The following TNRC18 variants were observed in gnomAD, a reference collection of about 807,000 sequenced individuals.
TNRC18 encodes the protein trinucleotide repeat containing 18, also known as trinucleotide repeat-containing gene 18 protein.
Under a neutral mutation model 226.7 loss-of-function variants are expected in TNRC18, and 69 were observed. That is an observed-to-expected ratio of 0.30 (90% CI 0.25 to 0.37). The LOEUF (loss-of-function observed/expected upper bound fraction) is 0.37. TNRC18 is among the 10% of genes least tolerant of loss of function. TNRC18 has a pLI of 1.00. For missense variants in TNRC18, 4,754 were observed against 4,256.6 expected, an observed-to-expected ratio of 1.12 and a Z score of -3.25; for synonymous variants, 2,449 against 1,927.6, an observed-to-expected ratio of 1.27 and a Z score of -7.09.
Position 5,324,462 on chromosome 7 carries a change from A to T in TNRC18, c.6301-107T>A. ...GAGCCACAGTCAGGCCGCAGGGGGA[A>T]TCTGTCATGTGCATGGCAGGGATCC... On this transcript the variant is annotated intron_variant, in intron 20 of 29. Coordinates refer to ENST00000430969, the MANE Select transcript of TNRC18 (RefSeq NM_001080495.3). This position sits in a 1 kb window ranked among gnomAD's most constrained non-coding sequence, Gnocchi z 4.8. The T allele has an allele frequency of 2.1e-6, 3 of 1,457,016 alleles. No individual in the cohort carries two copies. The highest frequency in any genetic ancestry group is 2.5e-5 in the South Asian group (2 of 79,718). 90.3% of individuals were successfully genotyped at this position (1,457,016 alleles called of 1,614,324 possible). A position where few individuals can be genotyped will look rare whatever the true frequency, so the allele number is the denominator to read the frequency against.
intron 18 of TNRC18, 48 bp from the exon 19 acceptor site, chr7:5,333,097 T>C: frequency 6.5e-7 from 1 of 1,528,626 alleles, no homozygotes; most frequent in Non-Finnish European, 8.8e-7. Flanking sequence ...TGGGGACCCC[T>C]TCCCTCCCAC....
At position 5,374,475 on chromosome 7, in the gene TNRC18, A is replaced by G; in HGVS notation, c.2809T>C (p.Leu937=). ...QRSAQLVQER[L]KAQEHRAEME... is the part of the protein sequence containing the mutation. ...TCCGCCCGGTGCTCCTGCGCCTTCA[A>G]CCGCTCCTGCTGGGAAGGGGCCGGC... Residue 937 remains leucine (L), a synonymous_variant, in exon 10 of 30, where the codon TTG becomes CTG. Coordinates refer to ENST00000430969, the MANE Select transcript of TNRC18 (RefSeq NM_001080495.3). The G allele has an allele frequency of 1.3e-6, 2 of 1,546,126 alleles. No individual in the cohort carries two copies. Among genetic ancestry groups the G allele is most frequent in the Middle Eastern group, 1.8e-4 (1 of 5,542 alleles).
chr7:5,313,858 C>G lies in TNRC18; in HGVS notation c.7033G>C (p.Ala2345Pro). 6.8e-7 allele frequency: 1 copy of G among 1,475,832 alleles called. No individual in the cohort carries two copies. The highest frequency in any genetic ancestry group is 9.0e-7 in the Non-Finnish European group (1 of 1,113,166). 91.4% of individuals were successfully genotyped at this position (1,475,832 alleles called of 1,614,324 possible). A position where few individuals can be genotyped will look rare whatever the true frequency, so the allele number is the denominator to read the frequency against. ...GGGTTCCCCTCCTCCAGGGTAGCGGCTCTGTCTGCAAAACAAAACAGATGA... is the reference window on the plus strand; with the variant it reads ...GGGTTCCCCTCCTCCAGGGTAGCGGGTCTGTCTGCAAAACAAAACAGATGA... ...KPSAKAKGDRAATLEEGNPTD... is the reference protein window; with the variant it reads ...KPSAKAKGDRPATLEEGNPTD... Residue 2345 changes from alanine (A) to proline (P), a missense_variant, in exon 27 of 30, where the codon GCC becomes CCC. By Grantham distance (27) the Ala-to-Pro change is conservative. Transcript: ENST00000430969.
chr7:5,403,021 G>A (rs1430338501), intron 2 of TNRC18, among the ~76,000 whole-genome samples: 2 of 151,940 alleles, frequency 1.3e-5, no homozygotes, highest in Non-Finnish European at 2.9e-5. Context: ...TACAGATAAA[G>A]AGACTGAGGC....
At chr7:5,352,810 G>A (rs1035195281) in intron 16 of TNRC18, among the ~76,000 whole-genome samples, 4 of 152,246 alleles carry the variant, frequency 2.6e-5, no homozygotes, top group African/African-American at 4.8e-5. Context: ...TCCGGCCCCC[G>A]CCATGCTCAC....
At chr7:5,359,026 C>A (rs1189646129) in intron 15 of TNRC18, among the ~76,000 whole-genome samples, 1 of 152,202 alleles carries the variant, frequency 6.6e-6, no homozygotes, top group Non-Finnish European at 1.5e-5. Context: ...TTTCTTAGAA[C>A]TACAGAATGG....
intron 27 of TNRC18, among the ~76,000 whole-genome samples, chr7:5,311,935 G>T (rs1474786842): frequency 1.3e-5 from 2 of 152,086 alleles, no homozygotes; most frequent in African/African-American, 4.8e-5. Flanking sequence ...GAGAGTTTGA[G>T]ATCATCCTGA....
chr7:5,376,760 C>T (rs1055787519), intron 8 of TNRC18, 87 bp downstream of exon 8: 92 of 1,511,410 alleles, frequency 6.1e-5, no homozygotes, highest in African/African-American at 2.8e-4. Flanking sequence ...GGCCGCCACC[C>T]CTCAGCAGGA....
In TNRC18 at chr7:5,307,730, C is replaced by T. The variant is rs1254188193; in HGVS notation, c.*376G>A. 7 of 344,348 alleles carry T rather than the reference C, an allele frequency of 2.0e-5. No individual in the cohort carries two copies. The highest frequency in any genetic ancestry group is 4.0e-5 in the Non-Finnish European group (7 of 176,016). 21.3% of individuals were successfully genotyped at this position (344,348 alleles called of 1,614,324 possible). ...GGTTCCTTAGAAGCGCCCCTCCCCA[C>T]CGAATCCCCAGTCTGCATGGACCTG... On this transcript the variant is annotated 3_prime_UTR_variant, in exon 30 of 30. Coordinates refer to ENST00000430969, the MANE Select transcript of TNRC18 (RefSeq NM_001080495.3).
chr7:5,376,737 C>G, intron 8 of TNRC18, 110 bp downstream of exon 8: 1 of 1,367,936 alleles, frequency 7.3e-7, no homozygotes, highest in Non-Finnish European at 1.0e-6. Flanking sequence ...GCCTCCCCAG[C>G]CCCAGATCTG....
chr7:5,388,734 C>A lies in TNRC18; in HGVS notation c.1090G>T (p.Gly364Cys). The part of the protein sequence containing the change: ...AGVYTVFREQ[G>C]REHRVVAPTF... ...GGCGCCACCACGCGGTGCTCACGGCCCTGCTCGCGGAAGACGGTGTAGACG... is the reference window on the plus strand; with the variant it reads ...GGCGCCACCACGCGGTGCTCACGGCACTGCTCGCGGAAGACGGTGTAGACG... The change falls in exon 5 of 30, where the codon GGC (glycine) becomes TGC (cysteine). Residue 364 changes from glycine to cysteine, a missense_variant. Physicochemically the swap from Gly to Cys is radical, Grantham distance 159. Transcript: ENST00000430969. 5 of 1,258,128 alleles carry A rather than the reference C, an allele frequency of 4.0e-6. No individual in the cohort carries two copies. The highest frequency in any genetic ancestry group is 5.0e-6 in the Non-Finnish European group (5 of 999,786). 77.9% of individuals were successfully genotyped at this position (1,258,128 alleles called of 1,614,324 possible). A position where few individuals can be genotyped will look rare whatever the true frequency, so the allele number is the denominator to read the frequency against.
chr7:5,389,363 G>A, intron 4 of TNRC18, 27 bp from the exon 5 acceptor site: 1 of 1,245,618 alleles, frequency 8.0e-7, no homozygotes, highest in East Asian at 3.2e-5. Flanking sequence ...AGCAGGCAGT[G>A]AGCGAGCGCC....
At chr7:5,367,619 G>A (rs1211470999) in intron 11 of TNRC18, among the ~76,000 whole-genome samples, 3 of 151,526 alleles carry the variant, frequency 2.0e-5, no homozygotes, top group African/African-American at 7.3e-5. Flanking sequence ...GTAGAGATGG[G>A]GTTTCACCAT....
chr7:5,389,501 C>A, intron 4 of TNRC18, 165 bp from the exon 5 acceptor site: 1 of 817,324 alleles, frequency 1.2e-6, no homozygotes, highest in Non-Finnish European at 1.5e-6. Context: ...CTCACCCAGG[C>A]TGGAGTACAG....
At chr7:5,419,261 T>C (rs1241590493) in intron 2 of TNRC18, among the ~76,000 whole-genome samples, 1 of 152,252 alleles carries the variant, frequency 6.6e-6, no homozygotes, top group Non-Finnish European at 1.5e-5. Context: ...TAGCTTGTTT[T>C]CACCGCTTCG....
rs535593922 is a variant in TNRC18 at position 5,368,396 on chromosome 7, C to T, written c.4219+1979G>A. Among the ~76,000 whole-genome samples, 18 of 151,976 alleles carry T rather than the reference C, an allele frequency of 1.2e-4. No individual in the cohort carries two copies. In the East Asian group the frequency reaches 1.7e-3, roughly 15 times the overall value. On this transcript the variant is annotated intron_variant, in intron 11 of 29. Transcript: ENST00000430969. ...TAAGTAAAGTGTCCGGGCGCGGTGG[C>T]TCACGCCTGTAATCCCAGCACTTTG...
intron 9 of TNRC18, among the ~76,000 whole-genome samples, chr7:5,375,559 T>C (rs6463445): frequency 0.82 from 124,337 of 152,084 alleles, 51,495 homozygotes; most frequent in East Asian, 0.98. Flanking sequence ...CTGTATGCAC[T>C]ACCTGGGCCG....
chr7:5,394,489 G>A lies in TNRC18; in HGVS notation c.294C>T (p.Thr98=), dbSNP rs1177238949. 2 of 1,562,452 alleles carry A rather than the reference G, an allele frequency of 1.3e-6. No individual in the cohort carries two copies. The highest frequency in any genetic ancestry group is 1.9e-5 in the Admixed American group (1 of 51,282). The part of the protein sequence containing the change: ...LPSDLSFRSP[T]PSNLPMVQLW... ...GCTGCACCATGGGCAGGTTGCTAGGGGTTGGGGAGCGGAAAGACAGGTCAG... is the reference window on the plus strand; with the variant it reads ...GCTGCACCATGGGCAGGTTGCTAGGAGTTGGGGAGCGGAAAGACAGGTCAG... Residue 98 remains threonine, a synonymous_variant, in exon 3 of 30, where the codon ACC becomes ACT. Coordinates refer to ENST00000430969, the MANE Select transcript of TNRC18 (RefSeq NM_001080495.3). This position sits in a 1 kb window ranked among gnomAD's most constrained non-coding sequence, Gnocchi z 4.5.
chr7:5,390,736 G>C, intron 3 of TNRC18, 108 bp from the exon 4 acceptor site: 3 of 1,334,654 alleles, frequency 2.2e-6, no homozygotes, highest in Non-Finnish European at 3.0e-6. Flanking sequence ...CGCTGGTACA[G>C]GGCGCCTTGA....
Sources: allele counts gnomAD v4.1 joint callset (sites outside exome capture counted in the v4.1 genomes callset), GRCh38; gene constraint gnomAD v4.1.1; non-coding constraint Gnocchi (gnomAD v3.1); transcripts MANE v1.5; gene names NCBI Gene and HGNC (gene_info 2026-07-23, HGNC 2026-07-21).